The following OR9Q1 variants were observed in gnomAD, a reference collection of about 807,000 sequenced individuals.
OR9Q1 encodes olfactory receptor 9Q1.
For missense variants in OR9Q1, 374 were observed against 378.8 expected, an observed-to-expected ratio of 0.99 and a Z score of 0.11; for synonymous variants, 153 against 148.6, an observed-to-expected ratio of 1.03 and a Z score of -0.22.
chr11:58,162,284 G>A (rs1329429696), intron 2 of OR9Q1, among the ~76,000 whole-genome samples: 4 of 152,166 alleles, frequency 2.6e-5, no homozygotes, highest in South Asian at 2.1e-4. Flanking sequence ...GAAATGTTAC[G>A]TTTTGTTTGA....
chr11:58,066,342 A>G (rs968899740), intron 2 of OR9Q1, among the ~76,000 whole-genome samples: 6 of 152,094 alleles, frequency 3.9e-5, no homozygotes, highest in African/African-American at 7.2e-5. Flanking sequence ...CTGTGAGAGC[A>G]AGACCACAAG....
In OR9Q1 at chr11:58,179,758, C is replaced by A. The variant is rs2119977145; in HGVS notation, c.314C>A (p.Thr105Asn). The A allele has an allele frequency of 4.3e-6, 7 of 1,614,216 alleles. No homozygotes were observed. Among genetic ancestry groups the A allele is most frequent in the Non-Finnish European group, 5.9e-6 (7 of 1,180,036 alleles). ...TGTGCTGCTCAGTTCTTTCTGTTCA[C>A]CTTCTTTGGTTCCATCGACTGCTAC... Reference protein sequence around the residue: ...TRCAAQFFLFTFFGSIDCYLL... With the variant: ...TRCAAQFFLFNFFGSIDCYLL... Residue 105 changes from threonine (T) to asparagine (N), a missense_variant, in exon 3 of 3, where the codon ACC (threonine) becomes AAC (asparagine). Physicochemically the swap from Thr to Asn is moderately conservative, Grantham distance 65. Transcript: ENST00000335397.
intron 2 of OR9Q1, among the ~76,000 whole-genome samples, chr11:58,068,235 C>T (rs756140163): frequency 4.6e-5 from 7 of 151,468 alleles, no homozygotes; most frequent in Non-Finnish European, 8.8e-5. Context: ...GTAAATCCAG[C>T]TACTCAGGAG....
At chr11:58,125,265 C>T (rs116984156) in intron 2 of OR9Q1, 3 of 113,280 alleles carry the variant, frequency 2.6e-5, no homozygotes, top group South Asian at 3.2e-4. Flanking sequence ...AAAGCTGATC[C>T]AGTCTTACTT....
chr11:58,170,157 G>C (rs1411479095), intron 2 of OR9Q1, among the ~76,000 whole-genome samples: 1 of 152,094 alleles, frequency 6.6e-6, no homozygotes, highest in African/African-American at 2.4e-5. Flanking sequence ...TGAGGCATAA[G>C]TATCCCTTTT....
At chr11:58,139,113 TGAAAA>T (rs1854217514) in intron 2 of OR9Q1, among the ~76,000 whole-genome samples, 1 of 151,552 alleles carries the variant, frequency 6.6e-6, no homozygotes, top group African/African-American at 2.4e-5. Context: ...CAACAGAAAA[TGAAAA>T]GAAAATAGCA....
intron 2 of OR9Q1, among the ~76,000 whole-genome samples, chr11:58,153,901 T>A (rs1244802628): frequency 6.6e-6 from 1 of 152,188 alleles, no homozygotes; most frequent in Non-Finnish European, 1.5e-5. Flanking sequence ...GAAGGAAGGC[T>A]TTCTCTGGAA....
chr11:58,122,451 A>G (rs948916860), intron 2 of OR9Q1, among the ~76,000 whole-genome samples: 3 of 152,180 alleles, frequency 2.0e-5, no homozygotes, highest in Admixed American at 2.0e-4. Context: ...TTTCTATTCT[A>G]TGAAATGGCA....
intron 2 of OR9Q1, among the ~76,000 whole-genome samples, chr11:58,173,706 G>A (rs1462235019): frequency 1.3e-5 from 2 of 152,052 alleles, no homozygotes; most frequent in Non-Finnish European, 2.9e-5. Flanking sequence ...ATCCCAGGTT[G>A]GGAGGGCATA....
chr11:58,179,780 C>T lies in OR9Q1; in HGVS notation c.336C>T (p.Cys112=), dbSNP rs774632572. ...TCACCTTCTTTGGTTCCATCGACTG[C>T]TACCTCTTGGCCCTCATGGCCTATG... The part of the protein sequence containing the change: ...FLFTFFGSID[C]YLLALMAYDR... Residue 112 remains cysteine, a synonymous_variant, in exon 3 of 3, where the codon TGC becomes TGT. Coordinates refer to ENST00000335397, the MANE Select transcript of OR9Q1 (RefSeq NM_001005212.4). The T allele has an allele frequency of 6.2e-7, 1 of 1,614,196 alleles. No homozygotes were observed. The highest frequency in any genetic ancestry group is 8.5e-7 in the Non-Finnish European group (1 of 1,180,030).
intron 2 of OR9Q1, among the ~76,000 whole-genome samples, chr11:58,113,536 G>A (rs17459971): frequency 0.17 from 26,088 of 152,156 alleles, 2,367 homozygotes; most frequent in Non-Finnish European, 0.21. Flanking sequence ...TTCTCAAAAG[G>A]TTCTTGTTGC....
At chr11:58,116,496 G>A (rs1269158424) in intron 2 of OR9Q1, among the ~76,000 whole-genome samples, 2 of 152,118 alleles carry the variant, frequency 1.3e-5, no homozygotes, top group African/African-American at 2.4e-5. Context: ...CAACACAGTG[G>A]TATCATAGTT....
In OR9Q1 at chr11:58,180,012, G is replaced by T; in HGVS notation, c.568G>T (p.Gly190Trp). ...CCCTCCTCTGTTAAAGTTGACCTGT[G>T]GGGAGAGCTACACTCAAGAAGTGCT... is the stretch of plus-strand genomic sequence containing the variant. ...DLPPLLKLTC[G>W]ESYTQEVLII... is the part of the protein sequence containing the mutation. The change falls in exon 3 of 3, where the codon GGG becomes TGG. Residue 190 changes from glycine to tryptophan, a missense_variant. Gly to Trp is a radical substitution (Grantham distance 184). Transcript: ENST00000335397. The T allele has an allele frequency of 6.2e-7, 1 of 1,613,992 alleles. No homozygotes were observed.
chr11:58,137,695 G>C (rs565518423), intron 2 of OR9Q1, among the ~76,000 whole-genome samples: 1 of 152,216 alleles, frequency 6.6e-6, no homozygotes, highest in East Asian at 1.9e-4. Context: ...ACAGACCACA[G>C]TTCAAATCCC....
At position 58,054,450 on chromosome 11, in the gene OR9Q1, T is replaced by A. The variant is rs557015259; in HGVS notation, c.-92-1420T>A. The stretch of plus-strand genomic sequence containing the variant: ...CTTTCCCACTCCTGCAAGTGCCATT[T>A]TTACCAATACCAATACCAATATTTT... On this transcript the variant is annotated intron_variant, in intron 1 of 2. Transcript: ENST00000335397. 2.0e-5 allele frequency among the ~76,000 whole-genome samples: 3 copies of A among 152,324 alleles called. No individual in the cohort carries two copies. In the South Asian group the frequency reaches 6.2e-4, roughly 32 times the overall value.
Position 58,050,353 on chromosome 11 carries a change from T to C in OR9Q1, c.-92-5517T>C, listed in dbSNP as rs1440204369. 5.5e-5 allele frequency among the ~76,000 whole-genome samples: 8 copies of C among 144,668 alleles called. No homozygotes were observed. In the East Asian group the frequency reaches 1.4e-3, roughly 26 times the overall value. 94.9% of individuals were successfully genotyped at this position (144,668 alleles called of 152,430 possible). On this transcript the variant is annotated intron_variant, in intron 1 of 2. Coordinates refer to ENST00000335397, the MANE Select transcript of OR9Q1 (RefSeq NM_001005212.4). ...AGAAAAACAAGCAATGGGGAAAGGA[T>C]TCCCTATTTAATAAATGGTGCTGGG...
intron 2 of OR9Q1, among the ~76,000 whole-genome samples, chr11:58,159,796 C>T (rs1854441123): frequency 2.0e-5 from 3 of 152,338 alleles, no homozygotes; most frequent in Middle Eastern, 3.4e-3. Flanking sequence ...AAAGGATTTA[C>T]AGATGCATAG....
chr11:58,127,673 A>G (rs779377936), intron 2 of OR9Q1, among the ~76,000 whole-genome samples: 1 of 152,206 alleles, frequency 6.6e-6, no homozygotes, highest in Non-Finnish European at 1.5e-5. Context: ...TACTCATAGC[A>G]GCTGCAGGTG....
rs181571888 is a variant in OR9Q1 at position 58,080,451 on chromosome 11, T to G, written c.-15+24504T>G. ...ATTGTGCATAGTGCTGTAATGAACT[T>G]AGGAGTGTATGTGTCTTTTTGGTAG... On this transcript the variant is annotated intron_variant, in intron 2 of 2. Coordinates refer to ENST00000335397, the MANE Select transcript of OR9Q1 (RefSeq NM_001005212.4). 4.0e-4 allele frequency among the ~76,000 whole-genome samples: 61 copies of G among 152,252 alleles called. No homozygotes were observed. In the East Asian group the frequency reaches 0.011, roughly 28 times the overall value.
Sources: allele counts gnomAD v4.1 joint callset (sites outside exome capture counted in the v4.1 genomes callset), GRCh38; gene constraint gnomAD v4.1.1; transcripts MANE v1.5; gene names NCBI Gene and HGNC (gene_info 2026-07-23, HGNC 2026-07-21).